Variants in CPSF2 observed in about 807,000 individuals in gnomAD.
CPSF2 encodes cleavage and polyadenylation specific factor 2, also known as cleavage and polyadenylation specificity factor subunit 2.
Under a neutral mutation model 84.2 loss-of-function variants are expected in CPSF2, and 51 were observed. The ratio of observed to expected loss-of-function variants is 0.61; its 90% CI spans 0.48 to 0.77. CPSF2 has a LOEUF of 0.77. CPSF2 is among the 30% of genes least tolerant of loss of function. CPSF2 has a pLI of 0.00. For synonymous variants in CPSF2, 286 were observed against 311.9 expected (o/e 0.92, Z 0.87); for missense variants, 641 against 929.4 (o/e 0.69, Z 4.03).
Position 92,157,749 on chromosome 14 carries a change from C to G in CPSF2, c.1686C>G (p.Ile562Met). The G allele has an allele frequency of 6.2e-7, 1 of 1,614,022 alleles. No individual in the cohort carries two copies. Among genetic ancestry groups the G allele is most frequent in the Non-Finnish European group, 8.5e-7 (1 of 1,179,954 alleles). Residue 562 changes from isoleucine to methionine, a missense_variant, in exon 13 of 16, where the codon ATC (isoleucine) becomes ATG (methionine). Ile to Met is a conservative substitution (Grantham distance 10, BLOSUM62 1). Around this residue, in one of 2 missense-constraint regions of CPSF2, gnomAD observed 430 missense variants for 553.6 expected, o/e 0.78. Transcript: ENST00000298875. This position sits in a 1 kb window ranked among gnomAD's most constrained non-coding sequence, Gnocchi z 4.0. ...IINQMKPRQL[I>M]IVHGPPEASQ... ...ATCAGATGAAACCACGACAGTTGAT[C>G]ATCGTCCATGGCCCACCAGAGGCCA...
chr14:92,166,836 T>G lies in CPSF2; in HGVS notation c.*5092T>G, dbSNP rs1055995218. The G allele has an allele frequency of 6.6e-6, 1 of 152,134 alleles. No homozygotes were observed. The highest frequency in any genetic ancestry group is 1.5e-5 in the Non-Finnish European group (1 of 68,026). 9.4% of individuals were successfully genotyped at this position (152,134 alleles called of 1,614,324 possible). A position where few individuals can be genotyped will look rare whatever the true frequency, so the allele number is the denominator to read the frequency against. On this transcript the variant is annotated 3_prime_UTR_variant, in exon 16 of 16. Transcript: ENST00000298875. ...TCCTGGACTTGAAATTATGTTTCAT[T>G]GATCTATATATCTATGCTAGTACCA...
chr14:92,153,850 A>T (rs923350842), intron 9 of CPSF2, among the ~76,000 whole-genome samples: 2 of 148,052 alleles, frequency 1.4e-5, no homozygotes, highest in Non-Finnish European at 3.0e-5. Context: ...CAACAGGCAC[A>T]TGCCACCACT....
At chr14:92,158,814 A>G (rs899861087) in intron 13 of CPSF2, among the ~76,000 whole-genome samples, 169 bp from the exon 14 acceptor site, 13 of 152,326 alleles carry the variant, frequency 8.5e-5, no homozygotes, top group Middle Eastern at 3.4e-3. Flanking sequence ...CAGGGGCCCA[A>G]TGATCTGCAG....
chr14:92,144,111 C>T (rs898472070), intron 9 of CPSF2, among the ~76,000 whole-genome samples: 3 of 152,114 alleles, frequency 2.0e-5, no homozygotes, highest in African/African-American at 7.2e-5. Flanking sequence ...GCCTTCAGAC[C>T]TGCTGATATG....
intron 9 of CPSF2, among the ~76,000 whole-genome samples, chr14:92,148,825 A>G (rs1012141521): frequency 1.3e-5 from 2 of 151,372 alleles, no homozygotes; most frequent in African/African-American, 4.8e-5. Flanking sequence ...AGAGAGAGAG[A>G]TGGGACCAAA....
intron 15 of CPSF2, 130 bp downstream of exon 15, chr14:92,161,376 C>T: frequency 5.7e-6 from 6 of 1,060,100 alleles, no homozygotes; most frequent in African/African-American, 1.6e-5. Flanking sequence ...TGATCATGAC[C>T]TCAAAGGCTT....
intron 2 of CPSF2, among the ~76,000 whole-genome samples, chr14:92,130,710 A>G (rs545952235): frequency 3.3e-5 from 5 of 152,270 alleles, no homozygotes; most frequent in Admixed American, 3.3e-4. Context: ...GGAGCCACTA[A>G]AGGGCTCATT....
intron 3 of CPSF2, 50 bp from the exon 4 acceptor site, chr14:92,133,961 T>G (rs1301981898): frequency 6.3e-7 from 1 of 1,593,672 alleles, no homozygotes; most frequent in Non-Finnish European, 8.6e-7. Context: ...TATTCTGTCT[T>G]TACCCTTAAA....
chr14:92,162,488 CATCTT>C lies in CPSF2; in HGVS notation c.*746_*750del, dbSNP rs778757487. The stretch of plus-strand genomic sequence containing the variant: ...AAGGGTTCTGCATACATTTTAGAAA[CATCTT>C]AGCCGTAAGTTAGGTCCTGTGTTAA... On this transcript the variant is annotated 3_prime_UTR_variant, in exon 16 of 16. Coordinates refer to ENST00000298875, the MANE Select transcript of CPSF2 (RefSeq NM_017437.3). 1 of 152,362 alleles carries C rather than the reference CATCTT, an allele frequency of 6.6e-6. No homozygotes were observed. Among genetic ancestry groups the C allele is most frequent in the Non-Finnish European group, 1.5e-5 (1 of 68,030 alleles). The allele number at this position is 152,362 out of a possible 1,614,324, so 9.4% of individuals were successfully genotyped here.
At position 92,154,348 on chromosome 14, in the gene CPSF2, T is replaced by C. The variant is rs760848596; in HGVS notation, c.1141-10T>C. On this transcript the variant is annotated splice_polypyrimidine_tract_variant and intron_variant, in intron 9 of 15. Transcript: ENST00000298875. ...ATTAACATTTCCTTTTGTCTTTTAT[T>C]TTTTTTTAGTTGAGGAAACGTGTGA... 5 of 1,581,130 alleles carry C rather than the reference T, an allele frequency of 3.2e-6. No homozygotes were observed. The highest frequency in any genetic ancestry group is 1.4e-5 in the African/African-American group (1 of 72,964).
In CPSF2 at chr14:92,161,193, G is replaced by A. The variant is rs2069366848; in HGVS notation, c.2203G>A (p.Ala735Thr). 1 of 1,613,812 alleles carries A rather than the reference G, an allele frequency of 6.2e-7. No individual in the cohort carries two copies. Among genetic ancestry groups the A allele is most frequent in the Non-Finnish European group, 8.5e-7 (1 of 1,179,894 alleles). ...KQVLLREGIQ[A>T]EFVGGVLVCN... ...AGTTCTCTTACGGGAGGGGATTCAA[G>A]CTGAATTTGTAGGAGGTGTACTTGT... The change falls in exon 15 of 16, where the codon GCT becomes ACT. Residue 735 changes from alanine to threonine, a missense_variant. Transcript: ENST00000298875.
Position 92,167,605 on chromosome 14 carries a change from C to G in CPSF2, c.*5861C>G, listed in dbSNP as rs910830308. On this transcript the variant is annotated 3_prime_UTR_variant, in exon 16 of 16. Transcript: ENST00000298875. ...TTGCTTTGGTTCCCTAGTGTACATTCACTTTGCTTAGGAGTGATATGTTCA... is the reference window on the plus strand; with the variant it reads ...TTGCTTTGGTTCCCTAGTGTACATTGACTTTGCTTAGGAGTGATATGTTCA... The G allele has an allele frequency of 6.6e-6, 1 of 150,864 alleles. No individual in the cohort carries two copies. The highest frequency in any genetic ancestry group is 1.5e-5 in the Non-Finnish European group (1 of 67,776). The allele number at this position is 150,864 out of a possible 1,614,324, so 9.3% of individuals were successfully genotyped here.
At chr14:92,127,147 A>G in intron 2 of CPSF2, among the ~76,000 whole-genome samples, 1 of 152,238 alleles carries the variant, frequency 6.6e-6, no homozygotes, top group East Asian at 1.9e-4. Flanking sequence ...TCTGCATTCC[A>G]GTGTGGGCAC....
rs567245441 is a variant in CPSF2, at chr14:92,140,281, G to A, written c.662-1883G>A. ...AAAGTGTAACTATTAATAATATACC[G>A]TGTTGCACCAACTTTAAGAAGCTCA... On this transcript the variant is annotated intron_variant, in intron 7 of 15. Coordinates refer to ENST00000298875, the MANE Select transcript of CPSF2 (RefSeq NM_017437.3). 1.3e-4 allele frequency among the ~76,000 whole-genome samples: 19 copies of A among 151,828 alleles called. 1 individual carries two copies. Among genetic ancestry groups the A allele is most frequent in the Non-Finnish European group, 2.1e-4 (14 of 67,934 alleles).
intron 3 of CPSF2, among the ~76,000 whole-genome samples, chr14:92,133,623 T>C (rs938083131): frequency 2.0e-5 from 2 of 98,112 alleles, no homozygotes; most frequent in South Asian, 3.6e-4. Context: ...CACCCCTGGC[T>C]TTTTTTTTTT....
At chr14:92,138,067 A>C (rs968837315) in intron 6 of CPSF2, among the ~76,000 whole-genome samples, 165 bp from the exon 7 acceptor site, 1 of 152,208 alleles carries the variant, frequency 6.6e-6, no homozygotes, top group Non-Finnish European at 1.5e-5. Context: ...TTTCTTCTTT[A>C]TACTTTTTTG....
At position 92,172,027 on chromosome 14, in the gene CPSF2, T is replaced by C. The variant is rs992479322; in HGVS notation, c.*10283T>C. 2 of 152,198 alleles carry C rather than the reference T, an allele frequency of 1.3e-5. No homozygotes were observed. Among genetic ancestry groups the C allele is most frequent in the African/African-American group, 4.8e-5 (2 of 41,438 alleles). 9.4% of individuals were successfully genotyped at this position (152,198 alleles called of 1,614,324 possible). On this transcript the variant is annotated 3_prime_UTR_variant, in exon 16 of 16. Coordinates refer to ENST00000298875, the MANE Select transcript of CPSF2 (RefSeq NM_017437.3). ...CTCGATCCATGACAGCACCTGCCAGTTGAACCCCACAGTGGGAATTTTAAA... is the reference window on the plus strand; with the variant it reads ...CTCGATCCATGACAGCACCTGCCAGCTGAACCCCACAGTGGGAATTTTAAA...
At chr14:92,141,381 G>T (rs2069076419) in intron 7 of CPSF2, among the ~76,000 whole-genome samples, 1 of 152,062 alleles carries the variant, frequency 6.6e-6, no homozygotes, top group South Asian at 2.1e-4. Context: ...GTACATGCTG[G>T]AGTGTAGTGG....
rs372734833 is a variant in CPSF2, at chr14:92,166,498, C to T, written c.*4754C>T. ...AGTAGCTGAGATTACAAGTGTGTGC[C>T]ACCATGCCTGACTAATTTTTAAAAT... On this transcript the variant is annotated 3_prime_UTR_variant, in exon 16 of 16. Transcript: ENST00000298875. 9.2e-5 allele frequency: 14 copies of T among 152,280 alleles called. No homozygotes were observed. In the East Asian group the frequency reaches 2.7e-3, roughly 29 times the overall value. The allele number at this position is 152,280 out of a possible 1,614,324, so 9.4% of individuals were successfully genotyped here. A position where few individuals can be genotyped will look rare whatever the true frequency, so the allele number is the denominator to read the frequency against.
Sources: gnomAD v4.1 joint callset for allele counts (sites outside exome capture counted in the v4.1 genomes callset) on GRCh38, gnomAD v4.1.1 for gene constraint, gnomAD v4.1.1 regional missense constraint, Gnocchi (gnomAD v3.1) non-coding constraint, MANE v1.5 for transcripts, NCBI Gene and HGNC (gene_info 2026-07-23, HGNC 2026-07-21) for gene names.